TPTE2: variants seen among roughly 807,000 people sequenced by gnomAD.
The protein encoded by TPTE2 is transmembrane phosphoinositide 3-phosphatase and tensin homolog 2, also known as phosphatidylinositol 3,4,5-trisphosphate 3-phosphatase TPTE2.
A neutral mutation model predicts 78.6 loss-of-function variants in TPTE2; 53 were observed. The observed-to-expected ratio is 0.67, with a 90% CI of 0.54 to 0.85. The LOEUF (loss-of-function observed/expected upper bound fraction) is 0.85. Among genes scored for constraint, TPTE2 ranks in the 40% least tolerant of loss-of-function variants. The probability of loss-of-function intolerance (pLI) is 0.00; values close to 1 mark genes in which losing one functional copy is unlikely to be tolerated. For synonymous variants in TPTE2, 175 were observed against 206.2 expected (o/e 0.85, Z 1.30); for missense variants, 461 against 623.0 (o/e 0.74, Z 2.77).
chr13:19,538,634 T>C (rs970821758), upstream of TPTE2, among the ~76,000 whole-genome samples: 3 of 152,040 alleles, frequency 2.0e-5, no homozygotes, highest in African/African-American at 7.2e-5. Flanking sequence ...GTTCAAGTGA[T>C]TCTCCTGCCT....
At chr13:19,533,643 T>C (rs1470377068) in intron 1 of TPTE2, among the ~76,000 whole-genome samples, 1 of 152,220 alleles carries the variant, frequency 6.6e-6, no homozygotes, top group Admixed American at 6.5e-5. Context: ...CCTCATTCAA[T>C]TCTAACACTT....
At chr13:19,532,960 T>C (rs1870976886) in intron 1 of TPTE2, among the ~76,000 whole-genome samples, 1 of 152,168 alleles carries the variant, frequency 6.6e-6, no homozygotes, top group Non-Finnish European at 1.5e-5. Flanking sequence ...TGATGACACC[T>C]CAAGGTCAAG....
exon 17 of TPTE2, chr13:19,430,469 G>C (rs149205749): frequency 4.5e-4 from 715 of 1,606,236 alleles, no homozygotes; most frequent in Middle Eastern, 2.5e-3. Context: ...TTCTCTTACC[G>C]AACAATTTCC....
At chr13:19,451,062 C>T (rs1434711911) in intron 11 of TPTE2, 103 bp downstream of exon 14, 12 of 1,406,450 alleles carry the variant, frequency 8.5e-6, no homozygotes, top group Admixed American at 6.0e-5. Flanking sequence ...TTGCCACTAC[C>T]AAATACTTAT....
upstream of TPTE2, among the ~76,000 whole-genome samples, chr13:19,541,588 T>C (rs34019217): frequency 2.2e-4 from 33 of 152,382 alleles, no homozygotes; most frequent in Non-Finnish European, 3.5e-4. Flanking sequence ...TTTTTGTAAA[T>C]GCCACTTATC....
chr13:19,489,010 T>C (rs932032575), intron 3 of TPTE2, among the ~76,000 whole-genome samples: 11 of 152,062 alleles, frequency 7.2e-5, no homozygotes, highest in African/African-American at 2.7e-4. Context: ...TGGCCTACTT[T>C]CAATATTGTT....
intron 1 of TPTE2, among the ~76,000 whole-genome samples, chr13:19,521,424 T>C (rs1870146186): frequency 6.6e-6 from 1 of 151,994 alleles, no homozygotes; most frequent in Admixed American, 6.6e-5. Context: ...TACTGTTTGC[T>C]TGTTATATCT....
chr13:19,514,623 G>GTGTGTGTGTGTGTGTGTGTGTGTC (rs1220347127), intron 1 of TPTE2, among the ~76,000 whole-genome samples: 1 of 141,140 alleles, frequency 7.1e-6, no homozygotes, highest in East Asian at 2.0e-4. Flanking sequence ...GTGTGTGTGT[G>GTGTGTGTGTGTGTGTGTGTGTGTC]TGTGTGTCTG....
In TPTE2 at chr13:19,455,027, C is replaced by T. The variant is rs1445916621; in HGVS notation, c.742-3802G>A. Reference sequence around the variant, plus strand: ...CATCCAGTGGACCCTGGTCACATTACTCCATGACTGTGCCCATTCGGAGCA... The same window carrying T: ...CATCCAGTGGACCCTGGTCACATTATTCCATGACTGTGCCCATTCGGAGCA... On this transcript the variant is annotated intron_variant, in intron 10 of 19. Coordinates refer to ENST00000400230, the Ensembl canonical transcript of TPTE2. Among the ~76,000 whole-genome samples the T allele has an allele frequency of 3.3e-5, 5 of 152,170 alleles. No individual in the cohort carries two copies. In the East Asian group the frequency reaches 9.6e-4, roughly 29 times the overall value.
At chr13:19,503,245 G>C in exon 1 of TPTE2, 1 of 1,613,702 alleles carries the variant, frequency 6.2e-7, no homozygotes, top group Non-Finnish European at 8.5e-7. Context: ...ACGTGCCTCT[G>C]GGTTCACTCC....
At chr13:19,560,507 C>G in the TPTE2 span, 1 of 1,588,134 alleles carries the variant, frequency 6.3e-7, no homozygotes, top group Admixed American at 1.7e-5. Flanking sequence ...CTCTGCAGTA[C>G]TGACATCTGG....
At chr13:19,493,571 C>A (rs1197998999) in intron 1 of TPTE2, 70 bp from the exon 5 acceptor site, 1 of 1,378,122 alleles carries the variant, frequency 7.3e-7, no homozygotes, top group Non-Finnish European at 1.0e-6. Context: ...GAAAAATTAC[C>A]TTTCATTACT....
upstream of TPTE2, among the ~76,000 whole-genome samples, chr13:19,537,898 C>T (rs1214215093): frequency 6.6e-6 from 1 of 152,150 alleles, no homozygotes; most frequent in Non-Finnish European, 1.5e-5. Context: ...AGCCACCATA[C>T]CCGGCCGGAC....
At chr13:19,447,354 A>C (rs1877907691) in intron 13 of TPTE2, among the ~76,000 whole-genome samples, 1 of 152,212 alleles carries the variant, frequency 6.6e-6, no homozygotes, top group African/African-American at 2.4e-5. Context: ...GTTAATAGAA[A>C]GCTGATGCTA....
At chr13:19,543,788 C>T in the TPTE2 span, among the ~76,000 whole-genome samples, 3 of 152,046 alleles carry the variant, frequency 2.0e-5, no homozygotes, top group Non-Finnish European at 4.4e-5. Context: ...AGAGGCCAGG[C>T]GCCATGGCTC....
At chr13:19,482,363 C>T (rs1197080150) in intron 4 of TPTE2, 125 bp downstream of exon 7, 2 of 1,076,808 alleles carry the variant, frequency 1.9e-6, no homozygotes, top group African/African-American at 1.6e-5. Flanking sequence ...TGTACCCTCC[C>T]ACCATACATT....
chr13:19,493,414 G>A (rs377448244), intron 2 of TPTE2, 34 bp downstream of exon 5: 1 of 1,605,802 alleles, frequency 6.2e-7, no homozygotes, highest in Non-Finnish European at 8.5e-7. Context: ...CACTTATGCT[G>A]ACGGGTGACT....
At chr13:19,438,655 C>G (rs1170623296) in intron 13 of TPTE2, among the ~76,000 whole-genome samples, 1 of 152,164 alleles carries the variant, frequency 6.6e-6, no homozygotes, top group African/African-American at 2.4e-5. Context: ...TGCCATTTCT[C>G]TTAAGGATGC....
At chr13:19,538,422 G>A (rs1261617400), upstream of TPTE2, among the ~76,000 whole-genome samples, 2 of 151,972 alleles carry the variant, frequency 1.3e-5, no homozygotes, top group Non-Finnish European at 2.9e-5. Flanking sequence ...GGGTTTCACC[G>A]TGTTAGCCAG....
Sources: allele counts gnomAD v4.1 joint callset (sites outside exome capture counted in the v4.1 genomes callset), GRCh38; gene constraint gnomAD v4.1.1; transcripts MANE v1.5; gene names NCBI Gene and HGNC (gene_info 2026-07-23, HGNC 2026-07-21).